APBA2: variants seen among roughly 807,000 people sequenced by gnomAD.
APBA2 encodes the protein amyloid beta precursor protein binding family A member 2, also known as amyloid-beta A4 precursor protein-binding family A member 2.
APBA2 carries 30 observed loss-of-function variants against 75.0 expected under a neutral mutation model. The observed-to-expected ratio is 0.40, with a 90% confidence interval of 0.30 to 0.54. APBA2 has a LOEUF of 0.54. APBA2 is among the 20% of genes least tolerant of loss of function. The pLI is 0.49. For synonymous variants in APBA2, 444 were observed against 409.6 expected (o/e 1.08, Z -1.01); for missense variants, 801 against 1,016.1 (o/e 0.79, Z 2.88).
intron 3 of APBA2, among the ~76,000 whole-genome samples, chr15:29,016,071 A>G (rs978380443): frequency 4.6e-5 from 7 of 152,352 alleles, no homozygotes; most frequent in African/African-American, 1.7e-4. Flanking sequence ...ATCCTGGCCA[A>G]CATGGTGAAA....
rs567017682 is a variant in APBA2, at chr15:29,097,804, T to G, written c.1252-686T>G. On this transcript the variant is annotated intron_variant, in intron 8 of 14. Transcript: ENST00000683413. ...AGCTTTGTGTCCGTGGACCAATACTTCCCCCTTCACTCCTTTGCCCCAGCC... is the reference window on the plus strand; with the variant it reads ...AGCTTTGTGTCCGTGGACCAATACTGCCCCCTTCACTCCTTTGCCCCAGCC... Among the ~76,000 whole-genome samples the G allele has an allele frequency of 2.2e-3, 331 of 152,258 alleles. 2 individuals are homozygous for G. The highest frequency in any genetic ancestry group is 2.5e-3 in the Non-Finnish European group (170 of 68,014).
At chr15:29,031,487 G>C (rs1331722956) in intron 3 of APBA2, among the ~76,000 whole-genome samples, 1 of 150,708 alleles carries the variant, frequency 6.6e-6, no homozygotes, top group African/African-American at 2.4e-5. Context: ...TTTTTTTTTT[G>C]AGATGGAGTT....
chr15:29,044,518 G>C (rs997892911), intron 3 of APBA2: 8 of 152,008 alleles, frequency 5.3e-5, no homozygotes, highest in Non-Finnish European at 1.2e-4. Flanking sequence ...AGAAGCAAAG[G>C]ACCTGAGTGT....
At position 29,054,753 on chromosome 15, in the gene APBA2, C is replaced by A; in HGVS notation, c.869C>A (p.Ala290Asp). 1.2e-6 allele frequency: 2 copies of A among 1,609,042 alleles called. No individual in the cohort carries two copies. Among genetic ancestry groups the A allele is most frequent in the African/African-American group, 1.3e-5 (1 of 75,060 alleles). Residue 290 changes from alanine (A) to aspartate (D), a missense_variant, in exon 4 of 15, where the codon GCC becomes GAC. Coordinates refer to ENST00000683413, the MANE Select transcript of APBA2 (RefSeq NM_001353788.2). The surrounding 1 kb of genome is among the most constrained non-coding windows in gnomAD (Gnocchi z 6.1). ...AAGTCGCTGAACCTCCTTCCCGAGG[C>A]CAAGCACCCCGGAGACCCCCAGAGA... ...RPKSLNLLPE[A>D]KHPGDPQRGF...
intron 2 of APBA2, among the ~76,000 whole-genome samples, chr15:28,931,792 T>A (rs965719053): frequency 1.3e-5 from 2 of 152,282 alleles, no homozygotes; most frequent in African/African-American, 4.8e-5. Flanking sequence ...ATCAGTAATT[T>A]AAAATTACAA....
intron 2 of APBA2, among the ~76,000 whole-genome samples, chr15:28,974,984 G>A (rs577715952): frequency 1.6e-4 from 25 of 152,116 alleles, no homozygotes; most frequent in African/African-American, 5.3e-4. Flanking sequence ...AGAATCAAGT[G>A]GACAAACCTC....
chr15:28,970,764 A>T (rs980859390), intron 2 of APBA2, among the ~76,000 whole-genome samples: 3 of 141,850 alleles, frequency 2.1e-5, no homozygotes, highest in Admixed American at 7.0e-5. Flanking sequence ...TTGCTGAATT[A>T]AAAAAAAAAA....
At chr15:28,923,185 A>G (rs2034068917) in intron 2 of APBA2, among the ~76,000 whole-genome samples, 1 of 152,124 alleles carries the variant, frequency 6.6e-6, no homozygotes, top group Non-Finnish European at 1.5e-5. Flanking sequence ...AGTTTTATGA[A>G]AAAAATAGCA....
At chr15:28,913,809 A>T (rs2033544752) in intron 1 of APBA2, among the ~76,000 whole-genome samples, 1 of 152,110 alleles carries the variant, frequency 6.6e-6, no homozygotes, top group African/African-American at 2.4e-5. Flanking sequence ...GTATTCGGTG[A>T]CTTTGAAGCC....
intron 1 of APBA2, among the ~76,000 whole-genome samples, chr15:28,915,356 A>G (rs2152658297): frequency 6.7e-6 from 1 of 149,112 alleles, no homozygotes; most frequent in Non-Finnish European, 1.5e-5. Flanking sequence ...CATGCCACAC[A>G]TACCACACAC....
At chr15:29,002,991 G>C (rs7166200) in intron 3 of APBA2, among the ~76,000 whole-genome samples, 5 of 152,148 alleles carry the variant, frequency 3.3e-5, no homozygotes, top group Non-Finnish European at 5.9e-5. Context: ...TAACTGAAGC[G>C]TGGACAGAGG....
intron 2 of APBA2, among the ~76,000 whole-genome samples, chr15:28,959,415 C>A (rs967971193): frequency 6.6e-6 from 1 of 152,188 alleles, no homozygotes; most frequent in African/African-American, 2.4e-5. Flanking sequence ...AAAATGATAT[C>A]ATCAAGGTAG....
rs192205400 is a variant in APBA2 at position 29,055,420 on chromosome 15, G to A, written c.951+585G>A. ...TTTGACAAAACCTCGGGGAAGAAAC[G>A]CATGCTAATGAGGGCAGTGGATGTC... On this transcript the variant is annotated intron_variant, in intron 4 of 14. Coordinates refer to ENST00000683413, the MANE Select transcript of APBA2 (RefSeq NM_001353788.2). Among the ~76,000 whole-genome samples, 288 of 152,292 alleles carry A rather than the reference G, an allele frequency of 1.9e-3. 2 individuals are homozygous for A. The highest frequency in any genetic ancestry group is 6.6e-3 in the African/African-American group (275 of 41,560).
chr15:29,089,326 G>A (rs1224661137), intron 6 of APBA2, among the ~76,000 whole-genome samples: 2 of 152,212 alleles, frequency 1.3e-5, no homozygotes, highest in South Asian at 4.1e-4. Context: ...GCGTGGTTGA[G>A]GACTGGGTGG....
chr15:28,933,709 C>T (rs541819420), intron 2 of APBA2, among the ~76,000 whole-genome samples: 24 of 152,314 alleles, frequency 1.6e-4, no homozygotes, highest in East Asian at 1.9e-4. Context: ...TGCTGGAGCC[C>T]GACAGGTTGC....
At chr15:28,968,321 G>A (rs2036852189) in intron 2 of APBA2, among the ~76,000 whole-genome samples, 1 of 152,222 alleles carries the variant, frequency 6.6e-6, no homozygotes, top group Admixed American at 6.5e-5. Context: ...TGGGATTGCT[G>A]AATGATGTGG....
At chr15:29,032,255 G>T (rs1226958724) in intron 3 of APBA2, among the ~76,000 whole-genome samples, 2 of 152,236 alleles carry the variant, frequency 1.3e-5, no homozygotes, top group South Asian at 2.1e-4. Flanking sequence ...TCTGGATGTT[G>T]CTGGGAAGGT....
intron 2 of APBA2, among the ~76,000 whole-genome samples, chr15:28,959,869 T>A (rs2036372119): frequency 6.6e-6 from 1 of 152,114 alleles, no homozygotes; most frequent in Non-Finnish European, 1.5e-5. Flanking sequence ...TGAGGCTGGG[T>A]GTGGGAGCTT....
At chr15:29,042,153 G>A (rs2041078451) in intron 3 of APBA2, among the ~76,000 whole-genome samples, 1 of 152,180 alleles carries the variant, frequency 6.6e-6, no homozygotes, top group Non-Finnish European at 1.5e-5. Flanking sequence ...CCTTCATCCT[G>A]TTTGTGTGAC....
Sources: allele counts gnomAD v4.1 joint callset (sites outside exome capture counted in the v4.1 genomes callset), GRCh38; gene constraint gnomAD v4.1.1; non-coding constraint Gnocchi (gnomAD v3.1); transcripts MANE v1.5; gene names NCBI Gene and HGNC (gene_info 2026-07-23, HGNC 2026-07-21).